AEBP2: variants seen among roughly 807,000 people sequenced by gnomAD.
The protein encoded by AEBP2 is AE binding protein 2.
A neutral mutation model predicts 50.8 loss-of-function variants in AEBP2; 10 were observed. The observed-to-expected ratio is 0.20, with a 90% CI of 0.12 to 0.33. AEBP2 has a LOEUF of 0.33. AEBP2 is among the 10% of genes least tolerant of loss of function. The pLI is 1.00. For synonymous variants in AEBP2, 296 were observed against 261.3 expected (o/e 1.13, Z -1.28); for missense variants, 570 against 688.0 (o/e 0.83, Z 1.92).
chr12:19,454,683 A>G (rs1948234196), intron 1 of AEBP2, among the ~76,000 whole-genome samples: 1 of 152,194 alleles, frequency 6.6e-6, no homozygotes, highest in Non-Finnish European at 1.5e-5. Flanking sequence ...AAAGTTAGAT[A>G]TTACAGTGCT....
chr12:19,435,701 C>T (rs766976200), upstream of AEBP2, among the ~76,000 whole-genome samples: 3 of 152,122 alleles, frequency 2.0e-5, no homozygotes, highest in East Asian at 3.9e-4. Flanking sequence ...GAATTCTGTT[C>T]GCTCTTCAAA....
intron 5 of AEBP2, among the ~76,000 whole-genome samples, chr12:19,503,824 T>TA (rs1157454675): frequency 6.6e-6 from 1 of 152,082 alleles, no homozygotes; most frequent in Non-Finnish European, 1.5e-5. Flanking sequence ...GCCCTACTGA[T>TA]ATCCTTTGTC....
chr12:19,510,778 A>G (rs972074042), intron 5 of AEBP2, among the ~76,000 whole-genome samples: 1 of 151,608 alleles, frequency 6.6e-6, no homozygotes, highest in Non-Finnish European at 1.5e-5. Context: ...TTGAAAAGCT[A>G]TTAGAGATAC....
intron 6 of AEBP2, among the ~76,000 whole-genome samples, chr12:19,514,434 C>T (rs1289761230): frequency 6.6e-6 from 1 of 152,118 alleles, no homozygotes; most frequent in Non-Finnish European, 1.5e-5. Context: ...GATATTGCCA[C>T]TGAAAATGTT....
chr12:19,407,453 G>A (rs1048690444), intron 1 of AEBP2, among the ~76,000 whole-genome samples: 6 of 152,054 alleles, frequency 3.9e-5, no homozygotes, highest in African/African-American at 1.2e-4. Flanking sequence ...ACAGGCGCAC[G>A]CCACCATGCC....
chr12:19,457,542 T>C, intron 1 of AEBP2: 2 of 1,481,230 alleles, frequency 1.4e-6, no homozygotes, highest in Non-Finnish European at 1.8e-6. Flanking sequence ...AATGGTTCTT[T>C]TGTTGATGCT....
chr12:19,467,811 T>C (rs1400888372), intron 2 of AEBP2, among the ~76,000 whole-genome samples: 1 of 152,198 alleles, frequency 6.6e-6, no homozygotes, highest in Non-Finnish European at 1.5e-5. Flanking sequence ...TTTAGGTTTC[T>C]TGATATAGGA....
intron 2 of AEBP2, 81 bp downstream of exon 2, chr12:19,462,798 T>C (rs1948402127): frequency 3.9e-6 from 5 of 1,297,454 alleles, no homozygotes; most frequent in Non-Finnish European, 5.2e-6. Flanking sequence ...GCTTTTTTGC[T>C]GAAAGTAATT....
At chr12:19,424,505 T>G (rs973038010) in intron 1 of AEBP2, among the ~76,000 whole-genome samples, 7 of 151,886 alleles carry the variant, frequency 4.6e-5, no homozygotes, top group Admixed American at 1.3e-4. Context: ...CACGCCACTC[T>G]CCTGCCTCAG....
At chr12:19,469,052 G>A (rs1948532190) in intron 2 of AEBP2, among the ~76,000 whole-genome samples, 1 of 152,150 alleles carries the variant, frequency 6.6e-6, no homozygotes, top group South Asian at 2.1e-4. Flanking sequence ...AGCCTCCCAA[G>A]TAGCTGGGAT....
chr12:19,442,681 A>C (rs568237927), intron 1 of AEBP2, among the ~76,000 whole-genome samples: 1 of 152,320 alleles, frequency 6.6e-6, no homozygotes, highest in South Asian at 2.1e-4. Context: ...AGACTACAGA[A>C]TACTGTTTTT....
intron 3 of AEBP2, among the ~76,000 whole-genome samples, chr12:19,473,958 T>C (rs1016387529): frequency 4.6e-5 from 7 of 152,152 alleles, no homozygotes; most frequent in African/African-American, 1.7e-4. Flanking sequence ...ATGTTGGTTT[T>C]TTTTAATACC....
At chr12:19,421,473 T>C (rs1003804900) in intron 1 of AEBP2, among the ~76,000 whole-genome samples, 1 of 150,856 alleles carries the variant, frequency 6.6e-6, no homozygotes, top group Non-Finnish European at 1.5e-5. Context: ...AAAAGAAAAA[T>C]TAGCTGGGCA....
Position 19,520,389 on chromosome 12 carries a change from A to G in AEBP2, c.*2272A>G, listed in dbSNP as rs1949380349. ...ATCCTTGATTAACTTCTGAGTACTC[A>G]ATCAATCATAATCCTTTTGCTGCTT... On this transcript the variant is annotated 3_prime_UTR_variant, in exon 8 of 8. Transcript: ENST00000266508. 2 of 152,186 alleles carry G rather than the reference A, an allele frequency of 1.3e-5. No homozygotes were observed. Among genetic ancestry groups the G allele is most frequent in the Admixed American group, 1.3e-4 (2 of 15,280 alleles). The allele number at this position is 152,186 out of a possible 1,614,324, so 9.4% of individuals were successfully genotyped here. A position where few individuals can be genotyped will look rare whatever the true frequency, so the allele number is the denominator to read the frequency against.
intron 1 of AEBP2, among the ~76,000 whole-genome samples, chr12:19,449,033 A>G (rs1186572138): frequency 6.6e-6 from 1 of 152,170 alleles, no homozygotes; most frequent in Non-Finnish European, 1.5e-5. Flanking sequence ...TGAATTGGCA[A>G]TAGATTTTTT....
chr12:19,410,286 G>A (rs2095738598), intron 1 of AEBP2, among the ~76,000 whole-genome samples: 1 of 152,150 alleles, frequency 6.6e-6, no homozygotes, highest in South Asian at 2.1e-4. Flanking sequence ...ACTCTTATAT[G>A]TGTACCCTGG....
At chr12:19,487,007 T>C (rs539414105) in intron 3 of AEBP2, among the ~76,000 whole-genome samples, 11 of 152,270 alleles carry the variant, frequency 7.2e-5, no homozygotes, top group African/African-American at 2.4e-4. Flanking sequence ...GCTTTAATTT[T>C]TGTTTCAGCA....
chr12:19,420,583 C>T (rs1046195669), intron 1 of AEBP2, among the ~76,000 whole-genome samples: 3 of 152,086 alleles, frequency 2.0e-5, no homozygotes, highest in Non-Finnish European at 4.4e-5. Context: ...GCCTCTGCCT[C>T]CCAAAGTGCT....
chr12:19,404,139 G>C (rs977987863), exon 1 of AEBP2: 1 of 152,222 alleles, frequency 6.6e-6, no homozygotes, highest in African/African-American at 2.4e-5. Context: ...TTATATCGCA[G>C]ATCTCACTTG....
Sources: allele counts gnomAD v4.1 joint callset (sites outside exome capture counted in the v4.1 genomes callset), GRCh38; gene constraint gnomAD v4.1.1; transcripts MANE v1.5; gene names NCBI Gene and HGNC (gene_info 2026-07-23, HGNC 2026-07-21).